UBE3D: variants seen among roughly 807,000 people sequenced by gnomAD.
UBE3D encodes ubiquitin protein ligase E3D, also known as E3 ubiquitin-protein ligase E3D.
Under a neutral mutation model 49.6 loss-of-function variants are expected in UBE3D, and 48 were observed. The ratio of observed to expected loss-of-function variants is 0.97; its 90% CI spans 0.77 to 1.23. The LOEUF (loss-of-function observed/expected upper bound fraction) is 1.23. UBE3D is among the 50% of genes most tolerant of loss of function. The probability of loss-of-function intolerance (pLI) is 0.00; values close to 1 mark genes in which losing one functional copy is unlikely to be tolerated. For synonymous variants in UBE3D, 189 were observed against 174.2 expected (o/e 1.08, Z -0.67); for missense variants, 452 against 468.4 (o/e 0.96, Z 0.32).
At chr6:83,003,754 G>A (rs1490988466) in intron 8 of UBE3D, among the ~76,000 whole-genome samples, 1 of 152,152 alleles carries the variant, frequency 6.6e-6, no homozygotes, top group Non-Finnish European at 1.5e-5. Flanking sequence ...GAAAGATAGA[G>A]TATTATAATT....
intron 9 of UBE3D, among the ~76,000 whole-genome samples, chr6:82,939,685 G>C (rs1774864997): frequency 6.6e-6 from 1 of 152,120 alleles, no homozygotes; most frequent in East Asian, 1.9e-4. Context: ...AGCCCATCTA[G>C]GTTTGTGTCT....
chr6:82,959,846 A>G (rs1390295416), intron 8 of UBE3D, among the ~76,000 whole-genome samples: 1 of 151,772 alleles, frequency 6.6e-6, no homozygotes, highest in Admixed American at 6.6e-5. Flanking sequence ...AGCACCTCAC[A>G]GTCCCAAACA....
At chr6:82,940,311 C>T (rs970438717) in intron 9 of UBE3D, among the ~76,000 whole-genome samples, 14 of 152,214 alleles carry the variant, frequency 9.2e-5, no homozygotes, top group African/African-American at 3.4e-4. Context: ...ATGAAGATGA[C>T]AACATCTTTC....
chr6:82,935,887 C>CTA (rs1469761830), intron 9 of UBE3D, among the ~76,000 whole-genome samples: 2 of 151,240 alleles, frequency 1.3e-5, no homozygotes, highest in East Asian at 2.0e-4. Flanking sequence ...CATTCACAAA[C>CTA]TATCAGTGAC....
intron 8 of UBE3D, among the ~76,000 whole-genome samples, chr6:82,994,939 A>T (rs1779139569): frequency 6.6e-6 from 1 of 152,256 alleles, no homozygotes; most frequent in Non-Finnish European, 1.5e-5. Flanking sequence ...GAAGTAAACA[A>T]CTTAAGTGAA....
At chr6:83,019,496 C>T (rs1369558325) in intron 7 of UBE3D, among the ~76,000 whole-genome samples, 1 of 152,084 alleles carries the variant, frequency 6.6e-6, no homozygotes, top group Admixed American at 6.5e-5. Context: ...ATATTAGAAT[C>T]TTAATGTAAC....
intron 9 of UBE3D, among the ~76,000 whole-genome samples, chr6:82,894,432 G>A (rs746809979): frequency 3.4e-4 from 51 of 152,184 alleles, no homozygotes; most frequent in African/African-American, 1.1e-3. Flanking sequence ...ATATCCTGCC[G>A]GGCGGTAAGC....
chr6:82,984,620 C>G (rs1778334186), intron 8 of UBE3D, among the ~76,000 whole-genome samples: 1 of 152,018 alleles, frequency 6.6e-6, no homozygotes, highest in South Asian at 2.1e-4. Flanking sequence ...ATTTACATTT[C>G]TTTATTAGGA....
At chr6:82,987,634 G>A (rs1778612811) in intron 8 of UBE3D, among the ~76,000 whole-genome samples, 1 of 152,170 alleles carries the variant, frequency 6.6e-6, no homozygotes, top group South Asian at 2.1e-4. Context: ...TAGTGTGGGT[G>A]TAAATTCATA....
chr6:82,964,820 T>C (rs1776795826), intron 8 of UBE3D, among the ~76,000 whole-genome samples: 2 of 152,206 alleles, frequency 1.3e-5, no homozygotes, highest in African/African-American at 2.4e-5. Context: ...CCATATTGAC[T>C]GCATTATACT....
chr6:83,000,435 G>C (rs1355596173), intron 8 of UBE3D, among the ~76,000 whole-genome samples: 1 of 152,002 alleles, frequency 6.6e-6, no homozygotes, highest in African/African-American at 2.4e-5. Context: ...TACTTACTAA[G>C]TATCTCTCAA....
intron 9 of UBE3D, among the ~76,000 whole-genome samples, chr6:82,950,042 A>G (rs1268915967): frequency 6.6e-6 from 1 of 152,200 alleles, no homozygotes; most frequent in East Asian, 1.9e-4. Context: ...AAGTTTCTGC[A>G]TAGCAAAGGA....
chr6:82,966,296 G>A (rs933388639), intron 8 of UBE3D, among the ~76,000 whole-genome samples: 2 of 152,086 alleles, frequency 1.3e-5, no homozygotes, highest in African/African-American at 2.4e-5. Flanking sequence ...TTTCATTTTA[G>A]GGAGACGGAA....
downstream of UBE3D, among the ~76,000 whole-genome samples, chr6:82,891,324 C>T (rs1007121195): frequency 1.3e-5 from 2 of 152,126 alleles, no homozygotes; most frequent in Non-Finnish European, 2.9e-5. Context: ...TGCTAAACAT[C>T]CTTCAATGCA....
intron 2 of UBE3D, 131 bp downstream of exon 2, chr6:83,057,695 G>T: frequency 1.2e-6 from 1 of 812,318 alleles, no homozygotes; most frequent in Non-Finnish European, 2.0e-6. Flanking sequence ...CCAATAACTG[G>T]CAGAGCTGAC....
chr6:83,030,171 T>C (rs1781766161), intron 5 of UBE3D, among the ~76,000 whole-genome samples: 1 of 152,092 alleles, frequency 6.6e-6, no homozygotes, highest in African/African-American at 2.4e-5. Flanking sequence ...AGGTGGTTTT[T>C]GCATTGCTAT....
In UBE3D at chr6:82,979,710, T is replaced by C. The variant is rs138451124; in HGVS notation, c.1011-22260A>G. Among the ~76,000 whole-genome samples, 6 of 152,256 alleles carry C rather than the reference T, an allele frequency of 3.9e-5. 1 individual carries two copies. Among genetic ancestry groups the C allele is most frequent in the African/African-American group, 1.4e-4 (6 of 41,574 alleles). On this transcript the variant is annotated intron_variant, in intron 8 of 9. Coordinates refer to ENST00000369747, the MANE Select transcript of UBE3D (RefSeq NM_198920.3). ...TTTAGTGTATTCATCACCAAAATAA[T>C]GTACACTGTACAAATCAAGTAATTT...
At chr6:82,996,835 A>T (rs1779274568) in intron 8 of UBE3D, among the ~76,000 whole-genome samples, 2 of 152,360 alleles carry the variant, frequency 1.3e-5, no homozygotes, top group South Asian at 4.1e-4. Context: ...TAGAGAAGAC[A>T]AAGGAGATAT....
chr6:82,937,926 G>T (rs1332663143), intron 9 of UBE3D, among the ~76,000 whole-genome samples: 3 of 152,152 alleles, frequency 2.0e-5, no homozygotes, highest in Admixed American at 2.0e-4. Context: ...TCCCTTCCTG[G>T]CAGCTGTTAG....
Sources: gnomAD v4.1 joint callset for allele counts (sites outside exome capture counted in the v4.1 genomes callset) on GRCh38, gnomAD v4.1.1 for gene constraint, MANE v1.5 for transcripts, NCBI Gene and HGNC (gene_info 2026-07-23, HGNC 2026-07-21) for gene names.